TNKS: variants seen among roughly 807,000 people sequenced by gnomAD.
TNKS encodes tankyrase.
A neutral mutation model predicts 135.8 loss-of-function variants in TNKS; 72 were observed. The ratio of observed to expected loss-of-function variants is 0.53; its 90% CI spans 0.44 to 0.64. TNKS has a LOEUF of 0.64. TNKS is among the 30% of genes least tolerant of loss of function. The pLI is 0.00. For synonymous variants in TNKS, 849 were observed against 649.3 expected, an observed-to-expected ratio of 1.31 and a Z score of -4.68; for missense variants, 1,769 against 1,674.0, an observed-to-expected ratio of 1.06 and a Z score of -0.99.
intron 3 of TNKS, among the ~76,000 whole-genome samples, chr8:9,624,853 T>C (rs1799998793): frequency 6.6e-6 from 1 of 152,206 alleles, no homozygotes; most frequent in Admixed American, 6.5e-5. Context: ...TCCTCCCGTA[T>C]ACTTTAAATC....
chr8:9,563,668 C>A (rs1432075440), intron 1 of TNKS, among the ~76,000 whole-genome samples: 5 of 152,134 alleles, frequency 3.3e-5, no homozygotes, highest in African/African-American at 7.2e-5. Flanking sequence ...TCTGAACTCT[C>A]TCCTTTTATT....
chr8:9,614,526 C>T (rs1394142522), intron 2 of TNKS, among the ~76,000 whole-genome samples: 1 of 152,122 alleles, frequency 6.6e-6, no homozygotes, highest in Non-Finnish European at 1.5e-5. Context: ...AAAGGAAGAG[C>T]TTTGTAAACA....
intron 3 of TNKS, among the ~76,000 whole-genome samples, chr8:9,649,253 T>G (rs1801041815): frequency 6.6e-6 from 1 of 152,198 alleles, no homozygotes. Context: ...TTGACAGCAG[T>G]CAGTCAACCA....
intron 19 of TNKS, 41 bp from the exon 20 acceptor site, chr8:9,752,503 G>C: frequency 6.8e-7 from 1 of 1,479,024 alleles, no homozygotes; most frequent in South Asian, 1.2e-5. Flanking sequence ...TTTATATTTA[G>C]AGAATTCTTT....
intron 3 of TNKS, among the ~76,000 whole-genome samples, chr8:9,657,600 G>C (rs1801456788): frequency 2.3e-5 from 2 of 88,648 alleles, no homozygotes; most frequent in Admixed American, 9.5e-5. Flanking sequence ...CCGGGCGGAG[G>C]GCTGACCCCC....
intron 20 of TNKS, among the ~76,000 whole-genome samples, chr8:9,758,677 T>A (rs181033629): frequency 8.5e-5 from 13 of 152,314 alleles, no homozygotes; most frequent in Admixed American, 8.5e-4. Context: ...GGGACTCACC[T>A]GGCAAGGGCT....
chr8:9,586,948 G>A (rs967162710), intron 2 of TNKS, among the ~76,000 whole-genome samples: 2 of 152,006 alleles, frequency 1.3e-5, no homozygotes, highest in African/African-American at 4.8e-5. Context: ...TGGGTCTCCC[G>A]TTAGAAAGAA....
chr8:9,769,157 T>G (rs1275687510), intron 25 of TNKS, among the ~76,000 whole-genome samples: 2 of 152,246 alleles, frequency 1.3e-5, no homozygotes, highest in African/African-American at 4.8e-5. Context: ...AATTCTGCCC[T>G]TGTAGCGCAA....
At chr8:9,694,123 A>G (rs562726825) in intron 5 of TNKS, among the ~76,000 whole-genome samples, 49 of 152,222 alleles carry the variant, frequency 3.2e-4, no homozygotes, top group Non-Finnish European at 6.3e-4. Flanking sequence ...TCCTTAGGAA[A>G]TGCATCGAAC....
chr8:9,572,458 C>T (rs997294032), intron 1 of TNKS, among the ~76,000 whole-genome samples: 1 of 152,112 alleles, frequency 6.6e-6, no homozygotes, highest in South Asian at 2.1e-4. Flanking sequence ...GTCATTATTT[C>T]TACAATATTT....
intron 1 of TNKS, among the ~76,000 whole-genome samples, chr8:9,565,988 A>T (rs901821548): frequency 6.6e-6 from 1 of 152,152 alleles, no homozygotes; most frequent in Non-Finnish European, 1.5e-5. Flanking sequence ...ATGTTGACAT[A>T]TATATTATAT....
Position 9,764,592 on chromosome 8 carries a change from A to G in TNKS, c.3373-124A>G, listed in dbSNP as rs370606901. The G allele has an allele frequency of 1.3e-4, 72 of 567,804 alleles. No homozygotes were observed. The East Asian group carries it at 1.9e-3, about 15-fold the overall frequency. The allele number at this position is 567,804 out of a possible 1,614,324, so 35.2% of individuals were successfully genotyped here. On this transcript the variant is annotated intron_variant, in intron 22 of 26. Transcript: ENST00000310430. ...ATTTTCTCACCAAAAATACTTATCC[A>G]CTAAACTTGTTCATCAATTTATAGT... is the stretch of plus-strand genomic sequence containing the variant.
At chr8:9,583,715 T>C (rs1173886974) in intron 2 of TNKS, among the ~76,000 whole-genome samples, 1 of 151,958 alleles carries the variant, frequency 6.6e-6, no homozygotes, top group Non-Finnish European at 1.5e-5. Context: ...TCTCGATCTC[T>C]TGACCTTGTG....
chr8:9,664,868 G>A (rs1369438091), intron 3 of TNKS, among the ~76,000 whole-genome samples: 6 of 152,126 alleles, frequency 3.9e-5, no homozygotes, highest in Non-Finnish European at 7.4e-5. Flanking sequence ...TAAGGATTCC[G>A]TACTATATTA....
intron 20 of TNKS, 111 bp downstream of exon 20, chr8:9,752,737 T>A: frequency 1.5e-6 from 1 of 684,606 alleles, no homozygotes; most frequent in South Asian, 2.4e-5. Context: ...GCAGGATTGC[T>A]TGAGCCCAGG....
intron 5 of TNKS, among the ~76,000 whole-genome samples, chr8:9,683,258 TC>T (rs1443488724): frequency 1.3e-5 from 2 of 152,014 alleles, no homozygotes; most frequent in African/African-American, 4.8e-5. Flanking sequence ...TTTATTTTCT[TC>T]CTGTTGTTAT....
intron 12 of TNKS, among the ~76,000 whole-genome samples, chr8:9,725,412 A>G (rs1014558030): frequency 1.3e-5 from 2 of 152,182 alleles, no homozygotes; most frequent in Admixed American, 1.3e-4. Flanking sequence ...CCTTAATCTC[A>G]GCATTTTACC....
intron 26 of TNKS, among the ~76,000 whole-genome samples, chr8:9,775,737 A>T (rs566500365): frequency 6.6e-6 from 1 of 151,846 alleles, no homozygotes; most frequent in East Asian, 1.9e-4. Flanking sequence ...TCCTGTATCT[A>T]TATGCAAGTA....
In TNKS at chr8:9,763,300, C is replaced by G. The variant is rs1015618713; in HGVS notation, c.3372+56C>G. ...TTTCTTGAAATCTGTGGATAAACCT[C>G]TTTTTCTGGAATTAACCTCGTCTTA... On this transcript the variant is annotated intron_variant, in intron 22 of 26. Transcript: ENST00000310430. 8.0e-6 allele frequency: 10 copies of G among 1,243,460 alleles called. No homozygotes were observed. In the African/African-American group the frequency reaches 9.0e-5, roughly 11 times the overall value. The allele number at this position is 1,243,460 out of a possible 1,614,324, so 77.0% of individuals were successfully genotyped here.
Sources: allele counts gnomAD v4.1 joint callset (sites outside exome capture counted in the v4.1 genomes callset), GRCh38; gene constraint gnomAD v4.1.1; transcripts MANE v1.5; gene names NCBI Gene and HGNC (gene_info 2026-07-23, HGNC 2026-07-21).